TCEA2: variants seen among roughly 807,000 people sequenced by gnomAD.
TCEA2 encodes transcription elongation factor A protein 2.
Under a neutral mutation model 40.8 loss-of-function variants are expected in TCEA2, and 21 were observed. The ratio of observed to expected loss-of-function variants is 0.51; its 90% CI spans 0.36 to 0.74. The LOEUF (loss-of-function observed/expected upper bound fraction) is 0.74, where lower values mean the gene tolerates loss of function less well. Among genes scored for constraint, TCEA2 ranks in the 30% least tolerant of loss-of-function variants. The pLI is 0.00. For missense variants in TCEA2, 326 were observed against 426.5 expected (o/e 0.76, Z 2.08); for synonymous variants, 165 against 162.7 (o/e 1.01, Z -0.11).
rs186121671 is a variant in TCEA2, at chr20:64,064,769, C to G, written c.72+1385C>G. On this transcript the variant is annotated intron_variant, in intron 1 of 9. Transcript: ENST00000343484. The stretch of plus-strand genomic sequence containing the variant: ...CCACTCATTCCTGCTGGGTGCAGCA[C>G]CCCCATCATTGCGTTCACACACACC... Among the ~76,000 whole-genome samples the G allele has an allele frequency of 2.6e-3, 397 of 152,256 alleles. 18 individuals are homozygous for G. The South Asian group carries it at 0.067, about 26-fold the overall frequency.
upstream of TCEA2, chr20:64,057,031 C>G (rs868272564): frequency 1.3e-5 from 2 of 152,314 alleles, no homozygotes; most frequent in African/African-American, 4.8e-5. Flanking sequence ...TGCTGGGGCT[C>G]GGCCCCCGGT....
chr20:64,069,640 C>T lies in TCEA2; in HGVS notation c.461-125C>T, dbSNP rs929396737. 3.3e-6 allele frequency: 5 copies of T among 1,531,756 alleles called. 1 individual carries two copies. The highest frequency in any genetic ancestry group is 4.4e-6 in the Non-Finnish European group (5 of 1,130,526). 94.9% of individuals were successfully genotyped at this position (1,531,756 alleles called of 1,614,324 possible). A position where few individuals can be genotyped will look rare whatever the true frequency, so the allele number is the denominator to read the frequency against. ...CCCTGGCAGGGGCTAGGGGCCTGTG[C>T]CTGGATCGTGGGCCTCTTGCAGGGA... On this transcript the variant is annotated intron_variant, in intron 5 of 9. Transcript: ENST00000343484.
upstream of TCEA2, among the ~76,000 whole-genome samples, chr20:64,055,765 C>T (rs1025670441): frequency 1.3e-5 from 2 of 152,268 alleles, no homozygotes; most frequent in Non-Finnish European, 2.9e-5. The surrounding 1 kb of genome is among the most constrained non-coding windows in gnomAD (Gnocchi z 4.0). Context: ...AGTCCCCTGC[C>T]AGAAGGCAGG....
chr20:64,067,075 C>T (rs2059712861), intron 3 of TCEA2, 55 bp downstream of exon 3: 4 of 1,517,462 alleles, frequency 2.6e-6, no homozygotes, highest in East Asian at 2.4e-5. Context: ...AGAAGTGCTG[C>T]CTCTTGCTGG....
intron 1 of TCEA2, among the ~76,000 whole-genome samples, chr20:64,064,589 C>CT (rs2059644447): frequency 6.6e-6 from 1 of 152,126 alleles, no homozygotes; most frequent in South Asian, 2.1e-4. Flanking sequence ...GTGAAGGTGG[C>CT]TGAGTCATGG....
Position 64,066,545 on chromosome 20 carries a change from C to G in TCEA2, c.135+7C>G. ...CACGCTGCACCTGCTCCAGGTAGGT[C>G]CCTGCCTGCCCCAGGTCCAGGACAG... On this transcript the variant is annotated splice_region_variant and intron_variant, in intron 2 of 9. Transcript: ENST00000343484. 1 of 1,612,998 alleles carries G rather than the reference C, an allele frequency of 6.2e-7. No individual in the cohort carries two copies. Among genetic ancestry groups the G allele is most frequent in the Non-Finnish European group, 8.5e-7 (1 of 1,179,396 alleles).
Position 64,070,583 on chromosome 20 carries a change from C to T in TCEA2, c.767C>T (p.Thr256Ile). Residue 256 changes from threonine (T) to isoleucine (I), a missense_variant, in exon 8 of 10, where the codon ACA (threonine) becomes ATA (isoleucine). Coordinates refer to ENST00000343484, the MANE Select transcript of TCEA2 (RefSeq NM_003195.6). Reference protein sequence around the residue: ...HQMARTGGTQTDLFTCGKCRK... With the variant: ...HQMARTGGTQIDLFTCGKCRK... ...ATGGCCCGCACTGGCGGCACGCAGACAGACCTGTTCACCTGCGGCAAGTGC... is the reference window on the plus strand; with the variant it reads ...ATGGCCCGCACTGGCGGCACGCAGATAGACCTGTTCACCTGCGGCAAGTGC... 1 of 1,613,484 alleles carries T rather than the reference C, an allele frequency of 6.2e-7. No homozygotes were observed. The highest frequency in any genetic ancestry group is 8.5e-7 in the Non-Finnish European group (1 of 1,179,812).
upstream of TCEA2, among the ~76,000 whole-genome samples, chr20:64,061,911 TAG>T (rs775950932): frequency 1.4e-5 from 2 of 145,574 alleles, no homozygotes; most frequent in Non-Finnish European, 3.0e-5. Context: ...GTATTCTTTG[TAG>T]AGACGGGGTT....
rs2059857240 is a variant in TCEA2 at position 64,072,270 on chromosome 20, T to C, written c.*90T>C. 2 of 1,446,152 alleles carry C rather than the reference T, an allele frequency of 1.4e-6. No homozygotes were observed. The highest frequency in any genetic ancestry group is 4.0e-5 in the Admixed American group (2 of 50,568). The allele number at this position is 1,446,152 out of a possible 1,614,324, so 89.6% of individuals were successfully genotyped here. On this transcript the variant is annotated 3_prime_UTR_variant, in exon 10 of 10. Coordinates refer to ENST00000343484, the MANE Select transcript of TCEA2 (RefSeq NM_003195.6). Reference sequence around the variant, plus strand: ...TCTCTGGAGACCCTAGAAGGCGGCATGTCCTGCCCTCAACCTGCCTGCCTG... The same window carrying C: ...TCTCTGGAGACCCTAGAAGGCGGCACGTCCTGCCCTCAACCTGCCTGCCTG...
rs1178731442 is a variant in TCEA2 at position 64,066,966 on chromosome 20, G to A, written c.187G>A (p.Glu63Lys). Residue 63 changes from glutamate (E) to lysine (K), a missense_variant, in exon 3 of 10, where the codon GAG becomes AAG. By Grantham distance (56) the Glu-to-Lys change is moderately conservative (BLOSUM62 1). Transcript: ENST00000343484. ...VNALRKQSSD[E>K]EVIALAKSLI... is the part of the protein sequence containing the mutation. The stretch of plus-strand genomic sequence containing the variant: ...CGCCCTTCGGAAGCAGAGCTCGGAT[G>A]AGGAGGTCATTGCACTGGCCAAGTC... The A allele has an allele frequency of 2.5e-6, 4 of 1,614,044 alleles. No homozygotes were observed. Among genetic ancestry groups the A allele is most frequent in the Non-Finnish European group, 2.5e-6 (3 of 1,179,968 alleles).
chr20:64,063,044 A>G (rs898086522), upstream of TCEA2: 4 of 241,338 alleles, frequency 1.7e-5, no homozygotes, highest in Admixed American at 1.1e-4. Flanking sequence ...TCAGGACTAC[A>G]CTTCCCAGGA....
At chr20:64,062,991 C>G (rs116872371), upstream of TCEA2, 221 of 192,270 alleles carry the variant, frequency 1.1e-3, 1 homozygote, top group East Asian at 0.024. Context: ...GGGCGCCTCC[C>G]TCGCGGGGTA....
intron 1 of TCEA2, 37 bp downstream of exon 1, chr20:64,063,421 G>T: frequency 6.5e-7 from 1 of 1,533,938 alleles, no homozygotes. Context: ...CGGGAACCCC[G>T]CCCCGCCGAG....
rs775254927 is a variant in TCEA2 at position 64,066,468 on chromosome 20, C to T, written c.73-8C>T. ...AGTCCTTTATGAAGGTCCTCCTTCT[C>T]CTTCCAGGAGGGAGCCATGGATTTG... On this transcript the variant is annotated splice_region_variant and splice_polypyrimidine_tract_variant and intron_variant, in intron 1 of 9. Transcript: ENST00000343484. The T allele has an allele frequency of 5.6e-6, 9 of 1,613,564 alleles. No individual in the cohort carries two copies. Among genetic ancestry groups the T allele is most frequent in the Non-Finnish European group, 7.6e-6 (9 of 1,179,622 alleles).
At chr20:64,058,919 G>A (rs183097076), upstream of TCEA2, among the ~76,000 whole-genome samples, 217 of 152,196 alleles carry the variant, frequency 1.4e-3, 1 homozygote, top group Middle Eastern at 0.014. This position sits in a 1 kb window ranked among gnomAD's most constrained non-coding sequence, Gnocchi z 6.7. Context: ...GGCCGGGCAC[G>A]GTGGCTCACA....
Position 64,058,007 on chromosome 20 carries a change from C to T in TCEA2, c.-84+356C>T, listed in dbSNP as rs1221487578. Among the ~76,000 whole-genome samples the T allele has an allele frequency of 6.6e-6, 1 of 152,190 alleles. No homozygotes were observed. Among genetic ancestry groups the T allele is most frequent in the Non-Finnish European group, 1.5e-5 (1 of 68,016 alleles). ...CCAGTCACCTGCCTCTGCCCGGGGG[C>T]GGGACCATCCCACCGGATTGCAGGT... On this transcript the variant is annotated intron_variant, in intron 1 of 10. Transcript: ENST00000361317. This position sits in a 1 kb window ranked among gnomAD's most constrained non-coding sequence, Gnocchi z 6.7.
At chr20:64,063,550 C>A in intron 1 of TCEA2, 166 bp downstream of exon 1, 1 of 789,962 alleles carries the variant, frequency 1.3e-6, no homozygotes, top group South Asian at 1.8e-5. Context: ...GTGGCCGAGA[C>A]CCCTGCCCCG....
chr20:64,065,229 C>A (rs899942192), intron 1 of TCEA2, among the ~76,000 whole-genome samples: 1 of 152,086 alleles, frequency 6.6e-6, no homozygotes. Flanking sequence ...TGGCTATCAC[C>A]TCAAGGCTGG....
chr20:64,069,707 GA>G, intron 5 of TCEA2, 57 bp from the exon 6 acceptor site: 1 of 1,582,288 alleles, frequency 6.3e-7, no homozygotes. Flanking sequence ...TTTGCAGGCA[GA>G]AGGGGTGGCA....
Sources: allele counts gnomAD v4.1 joint callset (sites outside exome capture counted in the v4.1 genomes callset), GRCh38; gene constraint gnomAD v4.1.1; non-coding constraint Gnocchi (gnomAD v3.1); transcripts MANE v1.5; gene names NCBI Gene and HGNC (gene_info 2026-07-23, HGNC 2026-07-21).